MED13: variants seen among roughly 807,000 people sequenced by gnomAD.
The protein encoded by MED13 is mediator complex subunit 13.
MED13 carries 23 observed loss-of-function variants against 225.2 expected under a neutral mutation model. That is an observed-to-expected ratio of 0.10 (90% CI 0.07 to 0.14). The LOEUF (loss-of-function observed/expected upper bound fraction) is 0.14, where lower values mean the gene tolerates loss of function less well. Ranked by LOEUF, MED13 falls within the 10% of genes least tolerant of loss-of-function variation. The pLI, the probability that MED13 is intolerant of heterozygous loss-of-function variation, is 1.00. For missense variants in MED13, 2,197 were observed against 2,594.5 expected (o/e 0.85, Z 3.33); for synonymous variants, 942 against 889.2 (o/e 1.06, Z -1.06).
At chr17:62,029,336 G>A in intron 8 of MED13, 1 of 551,388 alleles carries the variant, frequency 1.8e-6, no homozygotes, top group Non-Finnish European at 3.2e-6. Context: ...GTCTGCCTCT[G>A]GTAACAGTGA....
intron 16 of MED13, 78 bp downstream of exon 16, chr17:61,982,120 T>G: frequency 7.2e-7 from 1 of 1,379,916 alleles, no homozygotes; most frequent in Non-Finnish European, 9.8e-7. Flanking sequence ...CATGGGAAAC[T>G]GCCTTTATTA....
At position 62,021,398 on chromosome 17, in the gene MED13, G is replaced by A. The variant is rs1218347795; in HGVS notation, c.1283+8143C>T. On this transcript the variant is annotated intron_variant, in intron 8 of 29. Coordinates refer to ENST00000397786, the MANE Select transcript of MED13 (RefSeq NM_005121.3). ...CCTCCCCACCTCCCTCCCGGACGGG[G>A]CGGCTGGCCGGGCAGGGGGCTGACC... 1.3e-5 allele frequency among the ~76,000 whole-genome samples: 2 copies of A among 150,506 alleles called. 1 individual carries two copies.
At chr17:62,007,770 C>T (rs2080465171) in intron 9 of MED13, among the ~76,000 whole-genome samples, 1 of 152,070 alleles carries the variant, frequency 6.6e-6, no homozygotes, top group Non-Finnish European at 1.5e-5. Flanking sequence ...ATGGCGTGAA[C>T]CCGGGAGGCG....
intron 2 of MED13, among the ~76,000 whole-genome samples, chr17:62,057,654 T>C (rs553795228): frequency 1.7e-3 from 262 of 152,348 alleles, no homozygotes; most frequent in African/African-American, 5.6e-3. Context: ...CTACAGTTAA[T>C]ATCCTTCAAT....
rs1343885728 is a variant in MED13, at chr17:61,990,668, ACAT to A, written c.2263+1869_2263+1871del. Reference sequence around the variant, plus strand: ...ATATATATACACACTCCCCCCCAAAACATCATGTTGTATACCATAAATATATAT... The same window carrying A: ...ATATATATACACACTCCCCCCCAAAACATGTTGTATACCATAAATATATAT... On this transcript the variant is annotated intron_variant, in intron 11 of 29. Transcript: ENST00000397786. Among the ~76,000 whole-genome samples the A allele has an allele frequency of 1.0e-3, 147 of 145,444 alleles. 1 individual carries two copies. The highest frequency in any genetic ancestry group is 3.0e-3 in the Admixed American group (44 of 14,854).
chr17:62,025,727 G>A (rs1014079777), intron 8 of MED13, among the ~76,000 whole-genome samples: 10 of 152,126 alleles, frequency 6.6e-5, no homozygotes, highest in Non-Finnish European at 8.8e-5. Flanking sequence ...CAAATATGGC[G>A]AATTCATCAC....
In MED13 at chr17:61,983,013, C is replaced by T; in HGVS notation, c.2990G>A (p.Gly997Glu). 1 of 1,613,976 alleles carries T rather than the reference C, an allele frequency of 6.2e-7. No individual in the cohort carries two copies. The highest frequency in any genetic ancestry group is 8.5e-7 in the Non-Finnish European group (1 of 1,179,976). ...GGATGGAGAAGGAAGAATTCCTGCT[C>T]CGCTGTTACTAGGAGGTGCACTGCT... ...PPSSAPPSNS[G>E]AGILPSPSTP... Residue 997 changes from glycine to glutamate, a missense_variant, in exon 16 of 30, where the codon GGA becomes GAA. Around this residue, in one of 12 missense-constraint regions of MED13, gnomAD observed 99 missense variants for 158.5 expected, o/e 0.62. Coordinates refer to ENST00000397786, the MANE Select transcript of MED13 (RefSeq NM_005121.3).
In MED13 at chr17:62,035,479, A is replaced by G. The variant is rs768422621; in HGVS notation, c.600T>C (p.Ser200=). Residue 200 remains serine, a synonymous_variant, in exon 4 of 30, where the codon TCT becomes TCC. Coordinates refer to ENST00000397786, the MANE Select transcript of MED13 (RefSeq NM_005121.3). ...ATAATCTACCTTGAAATGGGCTATT[A>G]GACTGTTGAGCAAGGGTGATATGCT... ...SEEHITLAQQ[S]NSPFQVILCP... is the part of the protein sequence containing the mutation. 1.2e-6 allele frequency: 2 copies of G among 1,610,080 alleles called. No homozygotes were observed. The highest frequency in any genetic ancestry group is 2.7e-5 in the African/African-American group (2 of 74,804).
chr17:61,957,123 T>A (rs1268994007), intron 23 of MED13, among the ~76,000 whole-genome samples: 5 of 152,028 alleles, frequency 3.3e-5, no homozygotes, highest in African/African-American at 4.8e-5. Context: ...CTCGGCTCAC[T>A]GCAACCTCTG....
At position 61,984,868 on chromosome 17, in the gene MED13, A is replaced by G. The variant is rs756077426; in HGVS notation, c.2477-3T>C. 6.2e-6 allele frequency: 10 copies of G among 1,603,092 alleles called. No homozygotes were observed. The East Asian group carries it at 8.9e-5, about 14-fold the overall frequency. ...CATTTTATGAAGATCTGCAGTGCCT[A>G]TATTTAATAAAAACATACATTTTAA... On this transcript the variant is annotated splice_polypyrimidine_tract_variant and splice_region_variant and intron_variant, in intron 13 of 29. Transcript: ENST00000397786.
At chr17:61,963,231 GAAAGA>G (rs902179314) in intron 20 of MED13, among the ~76,000 whole-genome samples, 2 of 64,898 alleles carry the variant, frequency 3.1e-5, no homozygotes, top group African/African-American at 1.2e-4. Context: ...AAAAAAAAAA[GAAAGA>G]AAAGAAAAAA....
rs1324613081 is a variant in MED13, at chr17:62,036,105, A to T, written c.471-497T>A. Among the ~76,000 whole-genome samples, 20 of 143,832 alleles carry T rather than the reference A, an allele frequency of 1.4e-4. No homozygotes were observed. In the East Asian group the frequency reaches 3.0e-3, roughly 22 times the overall value. 94.4% of individuals were successfully genotyped at this position (143,832 alleles called of 152,430 possible). On this transcript the variant is annotated intron_variant, in intron 3 of 29. Coordinates refer to ENST00000397786, the MANE Select transcript of MED13 (RefSeq NM_005121.3). ...GTACCCAGCTCTTTTTTTTTTTTTT[A>T]AAGAAAAAAAAAGTTTTATTTGGAT... is the stretch of plus-strand genomic sequence containing the variant.
chr17:61,946,212 A>C lies in MED13; in HGVS notation c.*256T>G, dbSNP rs2079850585. On this transcript the variant is annotated 3_prime_UTR_variant, in exon 30 of 30. Transcript: ENST00000397786. ...TTCACAAATACTGTGACTGGAAAAA[A>C]AAAAGGTTAATTTTGCTACGAAAAT... The C allele has an allele frequency of 3.1e-6, 1 of 327,374 alleles. No homozygotes were observed. Among genetic ancestry groups the C allele is most frequent in the African/African-American group, 2.1e-5 (1 of 46,800 alleles). 20.3% of individuals were successfully genotyped at this position (327,374 alleles called of 1,614,324 possible).
At chr17:62,064,694 G>A (rs2081067048) in intron 1 of MED13, among the ~76,000 whole-genome samples, 1 of 152,160 alleles carries the variant, frequency 6.6e-6, no homozygotes, top group Non-Finnish European at 1.5e-5. Flanking sequence ...CAGGTTTCTA[G>A]GGCTTAAGTT....
intron 22 of MED13, 69 bp downstream of exon 22, chr17:61,961,519 C>CAAAA (rs56723756): frequency 2.2e-4 from 159 of 732,972 alleles, no homozygotes; most frequent in South Asian, 4.4e-4. Context: ...GGCTCCATCT[C>CAAAA]AAAAAAAAAA....
At chr17:61,981,882 C>T (rs1156970174) in intron 16 of MED13, among the ~76,000 whole-genome samples, 2 of 152,128 alleles carry the variant, frequency 1.3e-5, no homozygotes, top group African/African-American at 4.8e-5. Context: ...TACAAGGTGC[C>T]CAGTAAATAC....
intron 20 of MED13, among the ~76,000 whole-genome samples, chr17:61,963,174 G>C (rs191286782): frequency 8.9e-6 from 1 of 112,040 alleles, no homozygotes; most frequent in East Asian, 2.9e-4. Context: ...AAAGACACTT[G>C]CCTTAAGAGG....
chr17:62,039,587 A>ATTTT (rs57066822), intron 3 of MED13, among the ~76,000 whole-genome samples: 6 of 109,358 alleles, frequency 5.5e-5, no homozygotes, highest in Non-Finnish European at 9.4e-5. Context: ...CCCAGCCAAG[A>ATTTT]TTTTTTTTTT....
At chr17:61,966,396 A>T (rs2080058420) in intron 19 of MED13, 66 bp downstream of exon 19, 2 of 1,265,306 alleles carry the variant, frequency 1.6e-6, no homozygotes, top group South Asian at 2.9e-5. Flanking sequence ...TATCTACAAA[A>T]ACAGCTGGTG....
Sources: gnomAD v4.1 joint callset for allele counts (sites outside exome capture counted in the v4.1 genomes callset) on GRCh38, gnomAD v4.1.1 for gene constraint, gnomAD v4.1.1 regional missense constraint, MANE v1.5 for transcripts, NCBI Gene and HGNC (gene_info 2026-07-23, HGNC 2026-07-21) for gene names.